CFAP20DC: variants seen among roughly 807,000 people sequenced by gnomAD.
CFAP20DC encodes the protein CFAP20 domain containing.
Under a neutral mutation model 101.7 loss-of-function variants are expected in CFAP20DC, and 84 were observed. The observed-to-expected ratio is 0.83, with a 90% CI of 0.69 to 0.99. The LOEUF is 0.99. Among genes scored for constraint, CFAP20DC ranks in the 50% least tolerant of loss-of-function variants. The probability of loss-of-function intolerance (pLI) is 0.00; values close to 1 mark genes in which losing one functional copy is unlikely to be tolerated. For missense variants in CFAP20DC, 1,007 were observed against 970.3 expected (o/e 1.04, Z -0.50); for synonymous variants, 359 against 351.2 (o/e 1.02, Z -0.25).
rs2067582798 is a variant in CFAP20DC at position 58,728,187 on chromosome 3, T to C, written c.198-10559A>G. On this transcript the variant is annotated intron_variant, in intron 3 of 3. Coordinates refer to the CFAP20DC transcript ENST00000486145. The surrounding 1 kb of genome is among the most constrained non-coding windows in gnomAD (Gnocchi z 4.7). ...GAGATTAAACTGTAAAGACCACTGATTATTCTGGTAAGTGGGCTAAGTCTA... is the reference window on the plus strand; with the variant it reads ...GAGATTAAACTGTAAAGACCACTGACTATTCTGGTAAGTGGGCTAAGTCTA... 6.6e-6 allele frequency: 1 copy of C among 152,230 alleles called. No individual in the cohort carries two copies. The allele number at this position is 152,230 out of a possible 1,614,324, so 9.4% of individuals were successfully genotyped here.
At chr3:58,801,674 C>T (rs895619672) in intron 15 of CFAP20DC, among the ~76,000 whole-genome samples, 3 of 151,466 alleles carry the variant, frequency 2.0e-5, no homozygotes, top group Admixed American at 6.6e-5. Context: ...AGGAGCCACA[C>T]GGGTTACAAC....
rs78581635 is a variant in CFAP20DC at position 58,773,994 on chromosome 3, T to A, written c.2238-20131A>T. On this transcript the variant is annotated intron_variant, in intron 15 of 16. Transcript: ENST00000482387. The stretch of plus-strand genomic sequence containing the variant: ...ATTATGTTTTAATTTTCCTTTCAAA[T>A]TTTTTTTTTTTTAGTTGCTGGAGGA... 7.9e-4 allele frequency among the ~76,000 whole-genome samples: 109 copies of A among 137,612 alleles called. 1 individual carries two copies. The highest frequency in any genetic ancestry group is 1.4e-3 in the East Asian group (5 of 3,668). 90.3% of individuals were successfully genotyped at this position (137,612 alleles called of 152,430 possible).
chr3:58,982,161 C>G (rs879277600), intron 4 of CFAP20DC, among the ~76,000 whole-genome samples: 1 of 152,138 alleles, frequency 6.6e-6, no homozygotes, highest in African/African-American at 2.4e-5. Context: ...CAATGAGATA[C>G]CACCTCACAC....
chr3:58,981,362 A>C (rs1421131826), intron 4 of CFAP20DC, among the ~76,000 whole-genome samples: 1 of 152,100 alleles, frequency 6.6e-6, no homozygotes, highest in East Asian at 1.9e-4. Flanking sequence ...ACTACTTTAA[A>C]GTTCATATGG....
At chr3:58,891,106 TCA>T (rs2082201627) in intron 6 of CFAP20DC, among the ~76,000 whole-genome samples, 1 of 150,338 alleles carries the variant, frequency 6.7e-6, no homozygotes, top group African/African-American at 2.5e-5. Flanking sequence ...TGAGCCGAGA[TCA>T]CGCCACTGCA....
intron 4 of CFAP20DC, among the ~76,000 whole-genome samples, chr3:59,016,527 G>C: frequency 6.6e-6 from 1 of 152,140 alleles, no homozygotes; most frequent in Admixed American, 6.5e-5. Flanking sequence ...CTAGAAGAGA[G>C]GATTGTGAAT....
intron 15 of CFAP20DC, among the ~76,000 whole-genome samples, chr3:58,802,749 AATAT>A (rs1202759641): frequency 6.6e-6 from 1 of 152,240 alleles, no homozygotes; most frequent in African/African-American, 2.4e-5. Flanking sequence ...TGAGAAAAAC[AATAT>A]ATGAATATAT....
chr3:58,900,791 A>G (rs2083082017), intron 6 of CFAP20DC, among the ~76,000 whole-genome samples: 1 of 152,294 alleles, frequency 6.6e-6, no homozygotes, highest in African/African-American at 2.4e-5. Context: ...TGTTTGAGTG[A>G]CTTTGTAACC....
chr3:58,935,456 G>C (rs1392331435), intron 5 of CFAP20DC, among the ~76,000 whole-genome samples: 1 of 151,760 alleles, frequency 6.6e-6, no homozygotes, highest in East Asian at 1.9e-4. Context: ...AAAAGAGCCC[G>C]CATCGCCAAG....
chr3:58,744,188 C>T (rs1469347416), intron 16 of CFAP20DC, among the ~76,000 whole-genome samples: 2 of 152,110 alleles, frequency 1.3e-5, no homozygotes, highest in Non-Finnish European at 2.9e-5. Context: ...CCTCATGACC[C>T]TGTGGAATAC....
At chr3:58,919,848 T>C (rs770639743) in intron 5 of CFAP20DC, among the ~76,000 whole-genome samples, 1 of 152,158 alleles carries the variant, frequency 6.6e-6, no homozygotes, top group Non-Finnish European at 1.5e-5. Context: ...TATTGACTTA[T>C]CTTATATGCT....
chr3:58,981,392 T>A (rs1291225461), intron 4 of CFAP20DC, among the ~76,000 whole-genome samples: 2 of 152,128 alleles, frequency 1.3e-5, no homozygotes, highest in Non-Finnish European at 2.9e-5. Flanking sequence ...AGAGCCCGCA[T>A]CGCCAAGTCA....
intron 12 of CFAP20DC, among the ~76,000 whole-genome samples, chr3:58,855,182 G>C (rs2078656722): frequency 6.6e-6 from 1 of 152,096 alleles, no homozygotes; most frequent in African/African-American, 2.4e-5. Flanking sequence ...TGAAGGACAT[G>C]AACAGACACT....
intron 4 of CFAP20DC, among the ~76,000 whole-genome samples, chr3:58,979,347 A>G (rs1489958317): frequency 6.6e-6 from 1 of 152,220 alleles, no homozygotes; most frequent in East Asian, 1.9e-4. Context: ...AATTGCTATA[A>G]GGATTGAATG....
chr3:58,904,881 T>C (rs1158456659), intron 6 of CFAP20DC, among the ~76,000 whole-genome samples: 3 of 152,174 alleles, frequency 2.0e-5, no homozygotes, highest in Non-Finnish European at 4.4e-5. Flanking sequence ...TTCTTCACAT[T>C]GCTTGACACT....
intron 15 of CFAP20DC, among the ~76,000 whole-genome samples, chr3:58,776,927 A>G (rs897600192): frequency 6.6e-5 from 10 of 152,068 alleles, no homozygotes; most frequent in Non-Finnish European, 1.5e-4. Flanking sequence ...GGACTCTTCC[A>G]CTGTGGGAGT....
rs1037294575 is a variant in CFAP20DC at position 59,007,829 on chromosome 3, C to T, written c.278+31728G>A. ...TAGGGGAAGTGGGAGAGCACCCTAT[C>T]AAGGAAAAACCCTGTGGGACAAAAA... On this transcript the variant is annotated intron_variant, in intron 4 of 16. Coordinates refer to ENST00000482387, the MANE Select transcript of CFAP20DC (RefSeq NM_001394063.1). The surrounding 1 kb of genome is among the most constrained non-coding windows in gnomAD (Gnocchi z 4.4). Among the ~76,000 whole-genome samples the T allele has an allele frequency of 6.6e-6, 1 of 152,170 alleles. No individual in the cohort carries two copies. Among genetic ancestry groups the T allele is most frequent in the Non-Finnish European group, 1.5e-5 (1 of 68,026 alleles).
chr3:58,833,657 T>C (rs1337629378), intron 13 of CFAP20DC, among the ~76,000 whole-genome samples: 1 of 152,158 alleles, frequency 6.6e-6, no homozygotes, highest in Non-Finnish European at 1.5e-5. Context: ...TGGAAAACAG[T>C]TTGGCAGTTC....
At chr3:58,931,035 A>G (rs1342379115) in intron 5 of CFAP20DC, among the ~76,000 whole-genome samples, 5 of 152,160 alleles carry the variant, frequency 3.3e-5, no homozygotes, top group Non-Finnish European at 5.9e-5. Flanking sequence ...GGGGTGACAA[A>G]TGGCACCTGG....
Sources: gnomAD v4.1 joint callset for allele counts (sites outside exome capture counted in the v4.1 genomes callset) on GRCh38, gnomAD v4.1.1 for gene constraint, Gnocchi (gnomAD v3.1) non-coding constraint, MANE v1.5 for transcripts, NCBI Gene and HGNC (gene_info 2026-07-23, HGNC 2026-07-21) for gene names.